The following EBF3 variants were observed in gnomAD, a reference collection of about 807,000 sequenced individuals.
EBF3 encodes the protein EBF transcription factor 3.
EBF3 carries 18 observed loss-of-function variants against 77.1 expected under a neutral mutation model. That is an observed-to-expected ratio of 0.23 (90% confidence interval 0.16 to 0.35). EBF3 has a LOEUF of 0.35. Ranked by LOEUF, EBF3 falls within the 10% of genes least tolerant of loss-of-function variation. EBF3 has a pLI of 1.00. For synonymous variants in EBF3, 350 were observed against 343.5 expected (o/e 1.02, Z -0.21); for missense variants, 558 against 860.0 (o/e 0.65, Z 4.39).
chr10:129,872,982 C>G (rs992672742), intron 8 of EBF3, among the ~76,000 whole-genome samples: 3 of 151,962 alleles, frequency 2.0e-5, no homozygotes, highest in Non-Finnish European at 4.4e-5. Flanking sequence ...TCCTCCTTGC[C>G]CCCACTCTTG....
chr10:129,923,003 C>T (rs1180011891), intron 6 of EBF3, among the ~76,000 whole-genome samples: 1 of 152,230 alleles, frequency 6.6e-6, no homozygotes, highest in African/African-American at 2.4e-5. Flanking sequence ...TGCCCCTCTC[C>T]GGGTCTCGGC....
At chr10:129,908,903 A>C (rs1310890576) in intron 6 of EBF3, among the ~76,000 whole-genome samples, 2 of 152,224 alleles carry the variant, frequency 1.3e-5, no homozygotes, top group Non-Finnish European at 2.9e-5. Context: ...TTCTAAACAC[A>C]ATGCAACTGC....
intron 6 of EBF3, among the ~76,000 whole-genome samples, chr10:129,889,315 C>T (rs910535504): frequency 1.3e-5 from 2 of 152,228 alleles, no homozygotes; most frequent in East Asian, 1.9e-4. Flanking sequence ...AGCGTGGTCC[C>T]GCTTGTCCCC....
At position 129,842,015 on chromosome 10, in the gene EBF3, A is replaced by T; in HGVS notation, c.1372+101T>A. On this transcript the variant is annotated intron_variant, in intron 13 of 16. Transcript: ENST00000440978. This position sits in a 1 kb window ranked among gnomAD's most constrained non-coding sequence, Gnocchi z 4.4. ...AGCCAGAGAGAACAGAACGCTACGG[A>T]CATTCCCCAGCTGGCCCTGGACACG... 1 of 1,478,920 alleles carries T rather than the reference A, an allele frequency of 6.8e-7. No homozygotes were observed. The highest frequency in any genetic ancestry group is 2.3e-5 in the East Asian group (1 of 43,826). 91.6% of individuals were successfully genotyped at this position (1,478,920 alleles called of 1,614,324 possible).
intron 5 of EBF3, 53 bp from the exon 6 acceptor site, chr10:129,957,379 C>G: frequency 6.8e-7 from 1 of 1,460,590 alleles, no homozygotes; most frequent in South Asian, 1.3e-5. Context: ...CCTTTTATGC[C>G]CGACTTGTAT....
rs1857539381 is a variant in EBF3, at chr10:129,938,896, C to CA, written c.554+18361dup. Reference sequence around the variant, plus strand: ...CTGGATCCAGTCAGACTGCCAAGGCCAAAGTGACCAGTTGGCATCTGATGA... The same window carrying CA: ...CTGGATCCAGTCAGACTGCCAAGGCCAAAAGTGACCAGTTGGCATCTGATGA... On this transcript the variant is annotated intron_variant, in intron 6 of 16. Coordinates refer to ENST00000440978, the MANE Select transcript of EBF3 (RefSeq NM_001375380.1). The surrounding 1 kb of genome is among the most constrained non-coding windows in gnomAD (Gnocchi z 5.1). Among the ~76,000 whole-genome samples the CA allele has an allele frequency of 6.6e-6, 1 of 152,192 alleles. No individual in the cohort carries two copies. The highest frequency in any genetic ancestry group is 1.5e-5 in the Non-Finnish European group (1 of 68,026).
chr10:129,909,780 A>G (rs7071957), intron 6 of EBF3, among the ~76,000 whole-genome samples: 126,421 of 152,236 alleles, frequency 0.83, 52,757 homozygotes, highest in East Asian at 0.95. Flanking sequence ...GGGTCCCCCC[A>G]GAACAGCAGC....
chr10:129,877,436 G>A (rs543924756), intron 7 of EBF3, among the ~76,000 whole-genome samples: 17 of 133,034 alleles, frequency 1.3e-4, no homozygotes, highest in East Asian at 4.8e-4. Flanking sequence ...AGCCAAGATC[G>A]CACCACTGCA....
intron 10 of EBF3, among the ~76,000 whole-genome samples, chr10:129,855,015 C>T (rs59893037): frequency 0.058 from 8,770 of 152,234 alleles, 848 homozygotes; most frequent in African/African-American, 0.2. Flanking sequence ...GCATCCTGGC[C>T]GCTCCCGTCC....
At chr10:129,866,052 A>G (rs1375384897) in intron 10 of EBF3, among the ~76,000 whole-genome samples, 2 of 152,240 alleles carry the variant, frequency 1.3e-5, no homozygotes, top group African/African-American at 4.8e-5. Flanking sequence ...CATTAAAAAC[A>G]TCTCTCAAAT....
rs1325278381 is a variant in EBF3 at position 129,964,055 on chromosome 10, G to A, written c.-287C>T. 1.0e-6 allele frequency: 1 copy of A among 985,106 alleles called. No homozygotes were observed. Among genetic ancestry groups the A allele is most frequent in the African/African-American group, 1.7e-5 (1 of 57,220 alleles). The allele number at this position is 985,106 out of a possible 1,614,324, so 61.0% of individuals were successfully genotyped here. A position where few individuals can be genotyped will look rare whatever the true frequency, so the allele number is the denominator to read the frequency against. ...CGCTTGTTGTTGTTGTTGTTTGCAG[G>A]CGCGCTCAACGTGGTGTCATCCTAG... On this transcript the variant is annotated 5_prime_UTR_variant, in exon 1 of 17. Coordinates refer to ENST00000440978, the MANE Select transcript of EBF3 (RefSeq NM_001375380.1). This position sits in a 1 kb window ranked among gnomAD's most constrained non-coding sequence, Gnocchi z 4.5.
intron 6 of EBF3, among the ~76,000 whole-genome samples, chr10:129,880,981 T>C (rs73381777): frequency 0.034 from 5,186 of 152,198 alleles, 298 homozygotes; most frequent in African/African-American, 0.12. Context: ...GGTGAGAAAA[T>C]TGAATGCCCA....
At chr10:129,928,972 C>T (rs72837168) in intron 6 of EBF3, among the ~76,000 whole-genome samples, 16,304 of 152,130 alleles carry the variant, frequency 0.11, 1,938 homozygotes, top group African/African-American at 0.3. Context: ...ATTAGTAAAA[C>T]GGCCAGAGTG....
At chr10:129,928,125 C>T (rs758264140) in intron 6 of EBF3, among the ~76,000 whole-genome samples, 13 of 152,192 alleles carry the variant, frequency 8.5e-5, no homozygotes, top group African/African-American at 1.7e-4. Flanking sequence ...AAGAACAGTT[C>T]GGTCAGCCTC....
At position 129,945,059 on chromosome 10, in the gene EBF3, G is replaced by A. The variant is rs866121503; in HGVS notation, c.554+12199C>T. On this transcript the variant is annotated intron_variant, in intron 6 of 16. Transcript: ENST00000440978. ...GTAAAAGGAAAAGGGAAGATGGGCG[G>A]GGAGGGGAGGGGAGGGGAGGGGAAG... Among the ~76,000 whole-genome samples the A allele has an allele frequency of 2.4e-3, 248 of 104,260 alleles. 2 individuals are homozygous for A. In the Middle Eastern group the frequency reaches 0.028, roughly 12 times the overall value. The allele number at this position is 104,260 out of a possible 152,430, so 68.4% of individuals were successfully genotyped here.
chr10:129,959,741 G>C (rs1203085212), intron 4 of EBF3, among the ~76,000 whole-genome samples: 1 of 151,516 alleles, frequency 6.6e-6, no homozygotes, highest in Non-Finnish European at 1.5e-5. Context: ...GAGCCCAGGC[G>C]GGAGGCCCAG....
At chr10:129,855,696 C>T (rs1286472955) in intron 10 of EBF3, among the ~76,000 whole-genome samples, 1 of 152,140 alleles carries the variant, frequency 6.6e-6, no homozygotes, top group South Asian at 2.1e-4. Flanking sequence ...AGAGACACCA[C>T]CCAGTAAAAG....
chr10:129,879,461 G>A lies in EBF3; in HGVS notation c.555-1612C>T, dbSNP rs753765770. On this transcript the variant is annotated intron_variant, in intron 6 of 16. Coordinates refer to ENST00000440978, the MANE Select transcript of EBF3 (RefSeq NM_001375380.1). This position sits in a 1 kb window ranked among gnomAD's most constrained non-coding sequence, Gnocchi z 4.7. ...ATATCAGAAAATGAAAACACTCAAC[G>A]GACCAAGACTCATCTAAGTGCCCCC... is the stretch of plus-strand genomic sequence containing the variant. 2.0e-5 allele frequency among the ~76,000 whole-genome samples: 3 copies of A among 152,122 alleles called. No homozygotes were observed. The highest frequency in any genetic ancestry group is 4.4e-5 in the Non-Finnish European group (3 of 68,032).
chr10:129,930,852 A>T (rs1249454316), intron 6 of EBF3, among the ~76,000 whole-genome samples: 1 of 149,516 alleles, frequency 6.7e-6, no homozygotes, highest in Non-Finnish European at 1.5e-5. Context: ...GTCTATATCT[A>T]TCTCTATATT....
Sources: allele counts gnomAD v4.1 joint callset (sites outside exome capture counted in the v4.1 genomes callset), GRCh38; gene constraint gnomAD v4.1.1; non-coding constraint Gnocchi (gnomAD v3.1); transcripts MANE v1.5; gene names NCBI Gene and HGNC (gene_info 2026-07-23, HGNC 2026-07-21).